Variants in CTNNA2 observed in about 807,000 individuals in gnomAD.
CTNNA2 encodes the protein catenin alpha 2, also known as catenin alpha-2.
Under a neutral mutation model 101.0 loss-of-function variants are expected in CTNNA2, and 42 were observed. The ratio of observed to expected loss-of-function variants is 0.42; its 90% CI spans 0.32 to 0.54. The LOEUF is 0.54. CTNNA2 is among the 20% of genes least tolerant of loss of function. The probability of loss-of-function intolerance (pLI) is 0.14; values close to 1 mark genes in which losing one functional copy is unlikely to be tolerated. For synonymous variants in CTNNA2, 450 were observed against 456.4 expected, an observed-to-expected ratio of 0.99 and a Z score of 0.18; for missense variants, 871 against 1,223.1, an observed-to-expected ratio of 0.71 and a Z score of 4.29.
chr2:79,861,859 A>T (rs187730341), intron 4 of CTNNA2, among the ~76,000 whole-genome samples: 1 of 152,332 alleles, frequency 6.6e-6, no homozygotes, highest in East Asian at 1.9e-4. Context: ...TTCAGACACC[A>T]TTTAAAAATA....
chr2:79,634,813 T>A (rs1316722093), intron 1 of CTNNA2: 1 of 152,286 alleles, frequency 6.6e-6, no homozygotes, highest in Non-Finnish European at 1.5e-5. Flanking sequence ...GAATATGGGA[T>A]GTCTGGAGAA....
intron 7 of CTNNA2, among the ~76,000 whole-genome samples, chr2:80,288,031 C>G (rs1228996784): frequency 1.3e-5 from 2 of 152,150 alleles, no homozygotes; most frequent in Non-Finnish European, 2.9e-5. Flanking sequence ...CTCAAATCAT[C>G]TCCCCGCTAC....
chr2:79,506,258 A>AT (rs956548167), intron 5 of CTNNA2, among the ~76,000 whole-genome samples: 1 of 151,552 alleles, frequency 6.6e-6, no homozygotes, highest in African/African-American at 2.4e-5. Context: ...TGGAACATAT[A>AT]TTTTTTTCTA....
chr2:79,985,559 A>G (rs1025940097), intron 7 of CTNNA2, among the ~76,000 whole-genome samples: 1 of 152,246 alleles, frequency 6.6e-6, no homozygotes, highest in Non-Finnish European at 1.5e-5. Context: ...TAAGGTGGCC[A>G]TCCTGCCTAT....
chr2:80,627,833 G>A (rs542361844), intron 18 of CTNNA2, among the ~76,000 whole-genome samples: 1 of 151,958 alleles, frequency 6.6e-6, no homozygotes, highest in Admixed American at 6.6e-5. Context: ...GGGTTTTTAT[G>A]ATTTTTAAGT....
intron 7 of CTNNA2, among the ~76,000 whole-genome samples, chr2:80,196,396 T>C (rs921043480): frequency 1.3e-5 from 2 of 152,164 alleles, no homozygotes; most frequent in Admixed American, 1.3e-4. Flanking sequence ...CTTGTGCCCC[T>C]ACCTCGTAAC....
In CTNNA2 at chr2:80,227,270, G is replaced by A. The variant is rs115337536; in HGVS notation, c.1057-165941G>A. ...GCATTATTTCATGAAATAATAATAAGCACTACTGTTTTTTGAATACTTACC... is the reference window on the plus strand; with the variant it reads ...GCATTATTTCATGAAATAATAATAAACACTACTGTTTTTTGAATACTTACC... On this transcript the variant is annotated intron_variant, in intron 7 of 18. Coordinates refer to ENST00000402739, the MANE Select transcript of CTNNA2 (RefSeq NM_001282597.3). Among the ~76,000 whole-genome samples, 922 of 152,250 alleles carry A rather than the reference G, an allele frequency of 6.1e-3. 13 individuals carry two copies. The highest frequency in any genetic ancestry group is 0.021 in the African/African-American group (870 of 41,530).
intron 9 of CTNNA2, among the ~76,000 whole-genome samples, chr2:80,486,728 T>G (rs1686615188): frequency 6.6e-6 from 1 of 152,202 alleles, no homozygotes; most frequent in Admixed American, 6.5e-5. Flanking sequence ...TGCAGAGAGA[T>G]CCTATTTACC....
intron 9 of CTNNA2, among the ~76,000 whole-genome samples, chr2:80,462,094 T>A (rs17019204): frequency 0.029 from 4,434 of 152,332 alleles, 202 homozygotes; most frequent in African/African-American, 0.096. Context: ...GTCTAGGGAA[T>A]GAACACTTTT....
rs536463510 is a variant in CTNNA2, at chr2:79,769,091, G to C, written c.298+24509G>C. On this transcript the variant is annotated intron_variant, in intron 3 of 18. Transcript: ENST00000402739. ...AGGATGGTCTCGATCTCCTGACCTCGTGATCCGCCCGGCTCGGCCTCCCAA... is the reference window on the plus strand; with the variant it reads ...AGGATGGTCTCGATCTCCTGACCTCCTGATCCGCCCGGCTCGGCCTCCCAA... Among the ~76,000 whole-genome samples, 3 of 152,062 alleles carry C rather than the reference G, an allele frequency of 2.0e-5. No individual in the cohort carries two copies. In the East Asian group the frequency reaches 5.8e-4, roughly 29 times the overall value.
At position 79,332,057 on chromosome 2, in the gene CTNNA2, T is replaced by G. The variant is rs1676885092; in HGVS notation, c.-318+19261T>G. Among the ~76,000 whole-genome samples the G allele has an allele frequency of 1.3e-5, 2 of 152,028 alleles. 1 individual carries two copies. Among genetic ancestry groups the G allele is most frequent in the South Asian group, 4.1e-4 (2 of 4,826 alleles). On this transcript the variant is annotated intron_variant, in intron 3 of 21. Transcript: ENST00000466387. ...TGGGATCTTCATACCACTGGCAAAA[T>G]TAGTACTTAACATTGCGAGATGGGG... is the stretch of plus-strand genomic sequence containing the variant.
intron 11 of CTNNA2, among the ~76,000 whole-genome samples, chr2:80,553,223 C>CAAAA (rs143384465): frequency 4.4e-5 from 5 of 114,300 alleles, no homozygotes; most frequent in African/African-American, 6.5e-5. Flanking sequence ...GACTCCGTCT[C>CAAAA]AAAAAAAAAA....
chr2:80,087,016 A>G (rs1026487157), intron 7 of CTNNA2, among the ~76,000 whole-genome samples: 2 of 151,996 alleles, frequency 1.3e-5, no homozygotes, highest in Non-Finnish European at 2.9e-5. Flanking sequence ...AGTCAGACCC[A>G]CCGGCTCATG....
chr2:79,561,497 G>A (rs959044513), intron 1 of CTNNA2, among the ~76,000 whole-genome samples: 1 of 151,738 alleles, frequency 6.6e-6, no homozygotes, highest in Non-Finnish European at 1.5e-5. Flanking sequence ...TCAATTTTTT[G>A]AGCAACTTGC....
chr2:80,525,396 G>A (rs997100580), intron 9 of CTNNA2, among the ~76,000 whole-genome samples: 1 of 151,940 alleles, frequency 6.6e-6, no homozygotes, highest in Non-Finnish European at 1.5e-5. Context: ...CCCCTTCTGT[G>A]TTGGTGATGC....
intron 3 of CTNNA2, among the ~76,000 whole-genome samples, chr2:79,367,324 G>T (rs1677772309): frequency 6.6e-6 from 1 of 152,138 alleles, no homozygotes; most frequent in Admixed American, 6.6e-5. Context: ...GCAATATTTT[G>T]TTATAGTAGT....
intron 7 of CTNNA2, among the ~76,000 whole-genome samples, chr2:79,924,279 T>C (rs1176381549): frequency 1.3e-5 from 2 of 152,134 alleles, no homozygotes; most frequent in Non-Finnish European, 2.9e-5. Context: ...ATGTCTCAAA[T>C]TTCTACATCT....
At chr2:80,126,617 TC>T (rs1702131685) in intron 7 of CTNNA2, among the ~76,000 whole-genome samples, 3 of 39,134 alleles carry the variant, frequency 7.7e-5, no homozygotes, top group South Asian at 1.6e-3. Flanking sequence ...CCTCCCTCCC[TC>T]CCTCCCTCCC....
chr2:79,788,127 G>A (rs1674992177), intron 3 of CTNNA2, among the ~76,000 whole-genome samples: 1 of 152,138 alleles, frequency 6.6e-6, no homozygotes, highest in Admixed American at 6.6e-5. Context: ...TTTGTGCCAA[G>A]GAGTTTGGAA....
Sources: gnomAD v4.1 joint callset for allele counts (sites outside exome capture counted in the v4.1 genomes callset) on GRCh38, gnomAD v4.1.1 for gene constraint, MANE v1.5 for transcripts, NCBI Gene and HGNC (gene_info 2026-07-23, HGNC 2026-07-21) for gene names.